Variants in PRAME observed in about 807,000 individuals in gnomAD.
PRAME encodes PRAME nuclear receptor transcriptional regulator.
PRAME carries 21 observed loss-of-function variants against 32.1 expected under a neutral mutation model. The ratio of observed to expected loss-of-function variants is 0.65; its 90% confidence interval spans 0.46 to 0.94. PRAME has a LOEUF of 0.94. Ranked by LOEUF, PRAME falls within the 40% of genes least tolerant of loss-of-function variation. The pLI is 0.00. For missense variants in PRAME, 651 were observed against 622.3 expected (o/e 1.05, Z -0.49); for synonymous variants, 274 against 251.5 (o/e 1.09, Z -0.85).
At position 22,552,927 on chromosome 22, in the gene PRAME, G is replaced by A. The variant is rs766852025; in HGVS notation, c.22-1838C>T. The A allele has an allele frequency of 1.3e-5, 6 of 470,640 alleles. 1 individual carries two copies. Among genetic ancestry groups the A allele is most frequent in the African/African-American group, 1.0e-4 (5 of 49,986 alleles). 29.2% of individuals were successfully genotyped at this position (470,640 alleles called of 1,614,324 possible). On this transcript the variant is annotated intron_variant, in intron 3 of 5. Coordinates refer to ENST00000405655, the MANE Select transcript of PRAME (RefSeq NM_206956.3). ...CTGAAGCTATTACAGGCCTTTCTGGGCATACCTCCCCTTTCAACTCCACGC... is the reference window on the plus strand; with the variant it reads ...CTGAAGCTATTACAGGCCTTTCTGGACATACCTCCCCTTTCAACTCCACGC...
chr22:22,551,940 A>T (rs901169511), intron 3 of PRAME, among the ~76,000 whole-genome samples: 1 of 151,712 alleles, frequency 6.6e-6, no homozygotes, highest in African/African-American at 2.4e-5. Flanking sequence ...TTTCATGTAT[A>T]CAATACATTA....
chr22:22,557,019 T>G (rs547783076), intron 2 of PRAME, 110 bp from the exon 3 acceptor site: 3 of 687,686 alleles, frequency 4.4e-6, no homozygotes, highest in African/African-American at 3.6e-5. Flanking sequence ...AACTGACAAC[T>G]GGCGACTCAA....
rs752642311 is a variant in PRAME at position 22,548,619 on chromosome 22, G to A, written c.978C>T (p.Thr326=). ...AAAGCCGGCAGTTAGTTATTGAGAG[G>A]GTTTCCAAGGGGTTCATCACGTGCC... ...LLRHVMNPLE[T]LSITNCRLSE... The change falls in exon 6 of 6, where the codon ACC becomes ACT. Residue 326 remains threonine, a synonymous_variant. Transcript: ENST00000405655. 19 of 1,603,696 alleles carry A rather than the reference G, an allele frequency of 1.2e-5. No individual in the cohort carries two copies. The East Asian group carries it at 2.2e-4, about 19-fold the overall frequency.
chr22:22,554,614 G>T (rs1161841628), intron 3 of PRAME, among the ~76,000 whole-genome samples: 4 of 151,928 alleles, frequency 2.6e-5, no homozygotes, highest in Non-Finnish European at 5.9e-5. Context: ...CCTTCACAGA[G>T]AATCTAAAGT....
Position 22,550,358 on chromosome 22 carries a change from G to C in PRAME, c.345-24C>G, listed in dbSNP as rs769143028. On this transcript the variant is annotated intron_variant, in intron 4 of 5. Coordinates refer to ENST00000405655, the MANE Select transcript of PRAME (RefSeq NM_206956.3). Reference sequence around the variant, plus strand: ...TCCTGTGGGGAAAAACAGGTAATTAGCTGAGATGATGCTTTAAGATCAACT... The same window carrying C: ...TCCTGTGGGGAAAAACAGGTAATTACCTGAGATGATGCTTTAAGATCAACT... 9 of 1,604,398 alleles carry C rather than the reference G, an allele frequency of 5.6e-6. No homozygotes were observed. The Admixed American group carries it at 1.0e-4, about 18-fold the overall frequency.
chr22:22,553,252 A>T (rs2062708139), intron 3 of PRAME, among the ~76,000 whole-genome samples: 1 of 151,972 alleles, frequency 6.6e-6, no homozygotes, highest in African/African-American at 2.4e-5. Flanking sequence ...GTTCCCTAAC[A>T]CAGCAAATCA....
rs1056834979 is a variant in PRAME at position 22,559,239 on chromosome 22, C to A, written c.-382G>T. 6.4e-6 allele frequency: 2 copies of A among 311,478 alleles called. No individual in the cohort carries two copies. Among genetic ancestry groups the A allele is most frequent in the Admixed American group, 6.0e-5 (1 of 16,706 alleles). The allele number at this position is 311,478 out of a possible 1,614,324, so 19.3% of individuals were successfully genotyped here. On this transcript the variant is annotated 5_prime_UTR_variant, in exon 1 of 6. Coordinates refer to ENST00000405655, the MANE Select transcript of PRAME (RefSeq NM_206956.3). The stretch of plus-strand genomic sequence containing the variant: ...CGGAGCGGTGCTGAGGCGCTGCAGG[C>A]CCGGCTTCTGGCTGCGGGGGAGCTG...
At chr22:22,548,912 G>A (rs1439053559) in intron 5 of PRAME, among the ~76,000 whole-genome samples, 1 of 151,886 alleles carries the variant, frequency 6.6e-6, no homozygotes, top group Non-Finnish European at 1.5e-5. Flanking sequence ...CTTAGGTGGT[G>A]TGAGCATGAA....
Position 22,550,185 on chromosome 22 carries a change from CTCAAACCAT to C in PRAME, c.485_493del (p.Asp162_Ser165delinsGly), listed in dbSNP as rs1401856407. The C allele has an allele frequency of 1.2e-6, 2 of 1,613,842 alleles. No homozygotes were observed. Among genetic ancestry groups the C allele is most frequent in the Admixed American group, 3.3e-5 (2 of 59,974 alleles). The stretch of plus-strand genomic sequence containing the variant: ...AATGAAGGGCTGCTCTGCCTCTGTG[CTCAAACCAT>C]CTACTTTTCGCTTCTTTGTCATGGG... On this transcript the variant is annotated inframe_deletion, in exon 5 of 6. Coordinates refer to ENST00000405655, the MANE Select transcript of PRAME (RefSeq NM_206956.3).
At position 22,548,117 on chromosome 22, in the gene PRAME, T is replaced by TC. The variant is rs1441353756; in HGVS notation, c.1479_1480insG (p.Thr494AspfsTer4). On this transcript the variant is annotated frameshift_variant, in exon 6 of 6. Coordinates refer to ENST00000405655, the MANE Select transcript of PRAME (RefSeq NM_206956.3). LOFTEE classifies it high-confidence loss of function. ...AGGATGGGCTCCGGGTCATAGAAGG[T>TC]TCTGTCCCCACAGTGAGGACAGGGG... 23 of 1,613,520 alleles carry TC rather than the reference T, an allele frequency of 1.4e-5. No homozygotes were observed. Among genetic ancestry groups the TC allele is most frequent in the African/African-American group, 2.7e-5 (2 of 74,844 alleles).
At chr22:22,552,120 TAA>T (rs546304889) in intron 3 of PRAME, among the ~76,000 whole-genome samples, 9 of 119,772 alleles carry the variant, frequency 7.5e-5, no homozygotes, top group African/African-American at 9.3e-5. Flanking sequence ...TCATCTCTAT[TAA>T]AAAAAAAAAA....
chr22:22,549,788 G>A lies in PRAME; in HGVS notation c.891C>T (p.Cys297=). The A allele has an allele frequency of 6.2e-7, 1 of 1,613,604 alleles. No homozygotes were observed. Among genetic ancestry groups the A allele is most frequent in the Non-Finnish European group, 8.5e-7 (1 of 1,179,786 alleles). The change falls in exon 5 of 6, where the codon TGC becomes TGT. Residue 297 remains cysteine (C), a synonymous_variant. Transcript: ENST00000405655. ...AAGAGTCCACATAGAGAGCCTGCAG[G>A]CACTGCAGACTGAGGAACTGAGAGG... The part of the protein sequence containing the change: ...QFTSQFLSLQ[C]LQALYVDSLF...
In PRAME at chr22:22,556,801, G is replaced by A. The variant is rs2147057802; in HGVS notation, c.21+11C>T. 2.5e-6 allele frequency: 4 copies of A among 1,612,650 alleles called. No individual in the cohort carries two copies. In the East Asian group the frequency reaches 6.7e-5, roughly 27 times the overall value. ...TCTGAGCACCTCAGACAGCTCAGGG[G>A]ACCTTCTTACCCACAAACGCCTTCG... On this transcript the variant is annotated intron_variant, in intron 3 of 5. Coordinates refer to ENST00000405655, the MANE Select transcript of PRAME (RefSeq NM_206956.3).
chr22:22,549,057 A>C (rs939260997), intron 5 of PRAME, among the ~76,000 whole-genome samples: 4 of 151,830 alleles, frequency 2.6e-5, no homozygotes, highest in African/African-American at 7.3e-5. Flanking sequence ...AGTCACCTCT[A>C]TCTCTGTGCC....
Position 22,557,006 on chromosome 22 carries a change from G to A in PRAME, c.-77-97C>T, listed in dbSNP as rs1282911976. ...TGAAAACCTCCGCAAATACTGCTGA[G>A]GAAACTGACAACTGGCGACTCAATC... On this transcript the variant is annotated intron_variant, in intron 2 of 5. Transcript: ENST00000405655. The A allele has an allele frequency of 1.1e-5, 8 of 741,994 alleles. No homozygotes were observed. In the East Asian group the frequency reaches 1.9e-4, roughly 18 times the overall value. 46.0% of individuals were successfully genotyped at this position (741,994 alleles called of 1,614,324 possible).
Position 22,548,305 on chromosome 22 carries a change from A to G in PRAME, c.1292T>C (p.Ile431Thr), listed in dbSNP as rs1336431885. The change falls in exon 6 of 6, where the codon ATC becomes ACC. Residue 431 changes from isoleucine (I) to threonine (T), a missense_variant. Coordinates refer to ENST00000405655, the MANE Select transcript of PRAME (RefSeq NM_206956.3). ...CACGTGGGTCAGATTGCTCAGCCCG[A>G]TGAGGTGCTGCAGGAGACTCTGCAG... is the stretch of plus-strand genomic sequence containing the variant. ...SALQSLLQHL[I>T]GLSNLTHVLY... The G allele has an allele frequency of 6.2e-7, 1 of 1,613,682 alleles. No homozygotes were observed. Among genetic ancestry groups the G allele is most frequent in the South Asian group, 1.1e-5 (1 of 91,052 alleles).
chr22:22,553,716 C>A lies in PRAME; in HGVS notation c.22-2627G>T, dbSNP rs1165572694. 15 of 887,094 alleles carry A rather than the reference C, an allele frequency of 1.7e-5. No homozygotes were observed. In the South Asian group the frequency reaches 6.2e-4, roughly 37 times the overall value. 55.0% of individuals were successfully genotyped at this position (887,094 alleles called of 1,614,324 possible). A position where few individuals can be genotyped will look rare whatever the true frequency, so the allele number is the denominator to read the frequency against. ...ATATTGGTGACCAAACCTAGGACAG[C>A]AACATTTTCAAGTCTGAAAGACCTT... On this transcript the variant is annotated intron_variant, in intron 3 of 5. Coordinates refer to ENST00000405655, the MANE Select transcript of PRAME (RefSeq NM_206956.3).
At chr22:22,552,727 A>G in intron 3 of PRAME, 1 of 362,912 alleles carries the variant, frequency 2.8e-6, no homozygotes, top group Non-Finnish European at 5.8e-6. Flanking sequence ...CCATCTAAGC[A>G]GCATTGGCCC....
At chr22:22,553,044 T>C (rs1279310157) in intron 3 of PRAME, 1 of 412,090 alleles carries the variant, frequency 2.4e-6, no homozygotes, top group East Asian at 7.3e-5. Context: ...TTCAACTGAT[T>C]GAATGGGATG....
Sources: allele counts gnomAD v4.1 joint callset (sites outside exome capture counted in the v4.1 genomes callset), GRCh38; gene constraint gnomAD v4.1.1; transcripts MANE v1.5; gene names NCBI Gene and HGNC (gene_info 2026-07-23, HGNC 2026-07-21).